Variants in DLGAP1 observed in about 807,000 individuals in gnomAD.
DLGAP1 encodes the protein DLG associated protein 1.
In DLGAP1, 11 loss-of-function variants were observed where a neutral mutation model predicts 90.8. The observed-to-expected ratio is 0.12, with a 90% CI of 0.08 to 0.20. The LOEUF is 0.20. Ranked by LOEUF, DLGAP1 falls within the 10% of genes least tolerant of loss-of-function variation. The pLI, the probability that DLGAP1 is intolerant of heterozygous loss-of-function variation, is 1.00. For synonymous variants in DLGAP1, 558 were observed against 540.7 expected, an observed-to-expected ratio of 1.03 and a Z score of -0.44; for missense variants, 1,050 against 1,333.8, an observed-to-expected ratio of 0.79 and a Z score of 3.31.
intron 1 of DLGAP1, among the ~76,000 whole-genome samples, chr18:4,224,716 C>G (rs1304987112): frequency 6.6e-6 from 1 of 150,762 alleles, no homozygotes; most frequent in Non-Finnish European, 1.5e-5. Flanking sequence ...AGGTATCTGT[C>G]TCCAGGTCTT....
chr18:4,072,820 TAACTC>T (rs2075469002), intron 2 of DLGAP1, among the ~76,000 whole-genome samples: 2 of 152,194 alleles, frequency 1.3e-5, no homozygotes, highest in Non-Finnish European at 1.5e-5. Context: ...AGATAAGTAT[TAACTC>T]AACTATCTCA....
At chr18:3,858,562 C>A in intron 4 of DLGAP1, among the ~76,000 whole-genome samples, 1 of 146,260 alleles carries the variant, frequency 6.8e-6, no homozygotes, top group African/African-American at 2.5e-5. Flanking sequence ...ATATATAAAA[C>A]ACCTGATTGC....
intron 9 of DLGAP1, among the ~76,000 whole-genome samples, chr18:3,549,583 G>A (rs143748109): frequency 1.1e-3 from 170 of 152,096 alleles, no homozygotes; most frequent in African/African-American, 3.8e-3. Context: ...CACCCGCCTC[G>A]GCCTCCCAAA....
intron 7 of DLGAP1, among the ~76,000 whole-genome samples, chr18:3,693,524 G>A (rs1345847388): frequency 6.6e-6 from 1 of 152,242 alleles, no homozygotes; most frequent in Non-Finnish European, 1.5e-5. Flanking sequence ...TAATGTGAAG[G>A]CAATCACTGC....
intron 4 of DLGAP1, among the ~76,000 whole-genome samples, chr18:3,821,430 A>G (rs1016264030): frequency 7.5e-4 from 50 of 67,112 alleles, no homozygotes; most frequent in Non-Finnish European, 1.0e-3. Context: ...AAGTGAATGA[A>G]CCAATAAACT....
At position 3,681,997 on chromosome 18, in the gene DLGAP1, A is replaced by G. The variant is rs144750171; in HGVS notation, c.1591+47138T>C. Among the ~76,000 whole-genome samples, 1,420 of 152,032 alleles carry G rather than the reference A, an allele frequency of 9.3e-3. 32 individuals are homozygous for G. Among genetic ancestry groups the G allele is most frequent in the African/African-American group, 0.032 (1,343 of 41,464 alleles). On this transcript the variant is annotated intron_variant, in intron 7 of 12. Transcript: ENST00000315677. ...GCTGGGTATGGTGGCACATGCCTGT[A>G]ATCCCAGCTACTTGGGAGGCTGAGG... is the stretch of plus-strand genomic sequence containing the variant.
At chr18:3,926,078 G>A (rs931624700) in intron 3 of DLGAP1, among the ~76,000 whole-genome samples, 2 of 152,172 alleles carry the variant, frequency 1.3e-5, no homozygotes, top group Non-Finnish European at 2.9e-5. Flanking sequence ...TGTGTTAAAG[G>A]AGGCTATGTT....
intron 3 of DLGAP1, among the ~76,000 whole-genome samples, chr18:3,930,691 AC>A (rs1226350010): frequency 2.6e-5 from 4 of 152,146 alleles, no homozygotes; most frequent in Non-Finnish European, 5.9e-5. Context: ...AAGGGACAGA[AC>A]CTTGAGGGCC....
At chr18:4,211,139 G>T (rs1193318519) in intron 1 of DLGAP1, among the ~76,000 whole-genome samples, 1 of 152,182 alleles carries the variant, frequency 6.6e-6, no homozygotes, top group African/African-American at 2.4e-5. Flanking sequence ...ACTGCACAAT[G>T]TAGCCACCTG....
At chr18:3,522,867 G>A (rs999454735) in intron 10 of DLGAP1, among the ~76,000 whole-genome samples, 1 of 152,006 alleles carries the variant, frequency 6.6e-6, no homozygotes, top group Non-Finnish European at 1.5e-5. Context: ...TTTGACAAGG[G>A]CACCAAGAGG....
At chr18:4,283,420 T>G (rs2079602359) in intron 1 of DLGAP1, among the ~76,000 whole-genome samples, 1 of 152,198 alleles carries the variant, frequency 6.6e-6, no homozygotes, top group African/African-American at 2.4e-5. Flanking sequence ...TTTCCTGAAC[T>G]AGTTAGTACA....
chr18:4,172,872 T>C (rs2077046317), intron 1 of DLGAP1, among the ~76,000 whole-genome samples: 2 of 152,262 alleles, frequency 1.3e-5, no homozygotes, highest in South Asian at 4.1e-4. Context: ...GTAAATGCTC[T>C]AGTGCAGGCT....
chr18:3,918,674 A>C (rs16945649), intron 3 of DLGAP1, among the ~76,000 whole-genome samples: 2 of 152,312 alleles, frequency 1.3e-5, no homozygotes, highest in South Asian at 4.1e-4. Context: ...AGGGACTGGC[A>C]TTCTGAGCAA....
intron 1 of DLGAP1, among the ~76,000 whole-genome samples, chr18:4,359,975 T>G (rs2081598355): frequency 6.6e-6 from 1 of 152,218 alleles, no homozygotes; most frequent in Non-Finnish European, 1.5e-5. Flanking sequence ...CAAATATGAC[T>G]TCTAGGTTCT....
chr18:3,556,619 A>G (rs1216636915), intron 9 of DLGAP1, among the ~76,000 whole-genome samples: 1 of 152,106 alleles, frequency 6.6e-6, no homozygotes, highest in Admixed American at 6.5e-5. Context: ...ATAATATTCT[A>G]TTATCTGTAT....
At chr18:4,154,817 T>C (rs942920106) in intron 1 of DLGAP1, among the ~76,000 whole-genome samples, 21 of 152,196 alleles carry the variant, frequency 1.4e-4, no homozygotes, top group African/African-American at 5.1e-4. Context: ...CTCTCATTCA[T>C]TCATTCGCCC....
chr18:3,820,348 A>G (rs1327610935), intron 4 of DLGAP1, among the ~76,000 whole-genome samples: 2 of 152,104 alleles, frequency 1.3e-5, no homozygotes, highest in Non-Finnish European at 2.9e-5. Context: ...AAACTGATGA[A>G]CCCAAGGCTG....
chr18:3,501,499 A>G lies in DLGAP1; in HGVS notation c.2724+994T>C, dbSNP rs553336003. 5.3e-5 allele frequency among the ~76,000 whole-genome samples: 8 copies of G among 152,306 alleles called. No individual in the cohort carries two copies. The East Asian group carries it at 1.5e-3, about 29-fold the overall frequency. On this transcript the variant is annotated intron_variant, in intron 12 of 12. Coordinates refer to ENST00000315677, the MANE Select transcript of DLGAP1 (RefSeq NM_004746.4). ...GGAAACGGGGGACAGTGATGAGAGC[A>G]TCACCCTCCTGTCACTTACAGATGG...
intron 7 of DLGAP1, among the ~76,000 whole-genome samples, chr18:3,670,735 C>A (rs1267942367): frequency 6.6e-6 from 1 of 152,176 alleles, no homozygotes; most frequent in Non-Finnish European, 1.5e-5. Flanking sequence ...AGTCACAATT[C>A]TGATTATACC....
Sources: gnomAD v4.1 joint callset for allele counts (sites outside exome capture counted in the v4.1 genomes callset) on GRCh38, gnomAD v4.1.1 for gene constraint, MANE v1.5 for transcripts, NCBI Gene and HGNC (gene_info 2026-07-23, HGNC 2026-07-21) for gene names.